Variants in GLI2 observed in about 807,000 individuals in gnomAD.
GLI2 encodes GLI family zinc finger 2.
A neutral mutation model predicts 78.9 loss-of-function variants in GLI2; 22 were observed. The observed-to-expected ratio is 0.28, with a 90% CI of 0.20 to 0.40. The LOEUF (loss-of-function observed/expected upper bound fraction) is 0.40. Among genes scored for constraint, GLI2 ranks in the 10% least tolerant of loss-of-function variants. The pLI is 1.00. For synonymous variants in GLI2, 974 were observed against 963.7 expected (o/e 1.01, Z -0.20); for missense variants, 2,097 against 2,213.2 (o/e 0.95, Z 1.05).
At chr2:120,757,343 G>C (rs545277801) in intron 1 of GLI2, among the ~76,000 whole-genome samples, 1 of 152,036 alleles carries the variant, frequency 6.6e-6, no homozygotes, top group Non-Finnish European at 1.5e-5. Flanking sequence ...CTTTCTTCTA[G>C]GATATGATTC....
intron 2 of GLI2, among the ~76,000 whole-genome samples, chr2:120,834,745 C>T (rs1297664990): frequency 6.6e-6 from 1 of 152,148 alleles, no homozygotes; most frequent in Non-Finnish European, 1.5e-5. Context: ...TTTCAGATGC[C>T]TGTGTCCCCC....
intron 2 of GLI2, among the ~76,000 whole-genome samples, chr2:120,845,104 C>A (rs1687051381): frequency 6.6e-6 from 1 of 152,066 alleles, no homozygotes. Context: ...AAAACCTCGT[C>A]TCTACTAAAA....
At chr2:120,949,179 G>A (rs950815833) in intron 3 of GLI2, among the ~76,000 whole-genome samples, 12 of 152,264 alleles carry the variant, frequency 7.9e-5, no homozygotes, top group African/African-American at 2.4e-4. Context: ...CTCCTCTCCC[G>A]GGCACACATA....
intron 2 of GLI2, among the ~76,000 whole-genome samples, chr2:120,825,754 C>G (rs761521581): frequency 6.6e-6 from 1 of 152,236 alleles, no homozygotes; most frequent in Non-Finnish European, 1.5e-5. Flanking sequence ...TGTCCCCCTC[C>G]TGGTGCTTCC....
intron 2 of GLI2, among the ~76,000 whole-genome samples, chr2:120,809,600 G>T (rs901361084): frequency 6.6e-6 from 1 of 152,144 alleles, no homozygotes; most frequent in Non-Finnish European, 1.5e-5. Context: ...AAGTGCGGGG[G>T]AGGGAGGGCG....
At chr2:120,810,286 C>T (rs192688263) in intron 2 of GLI2, among the ~76,000 whole-genome samples, 1 of 152,308 alleles carries the variant, frequency 6.6e-6, no homozygotes, top group African/African-American at 2.4e-5. Flanking sequence ...GTTCCCAGTC[C>T]AGGTGTGCTG....
At chr2:120,882,861 A>G (rs1677220606) in intron 2 of GLI2, among the ~76,000 whole-genome samples, 1 of 151,584 alleles carries the variant, frequency 6.6e-6, no homozygotes, top group African/African-American at 2.4e-5. Context: ...AGTAAAATAC[A>G]CCCTTTTGAG....
chr2:120,910,463 G>T (rs1283067978), intron 2 of GLI2, among the ~76,000 whole-genome samples: 2 of 152,170 alleles, frequency 1.3e-5, no homozygotes, highest in Admixed American at 6.5e-5. Flanking sequence ...ACTTAATCTT[G>T]ACAAACTCCT....
At chr2:120,857,076 G>A (rs1352061527) in intron 2 of GLI2, among the ~76,000 whole-genome samples, 1 of 152,154 alleles carries the variant, frequency 6.6e-6, no homozygotes. Flanking sequence ...AAAGACCAGG[G>A]GAAGGCTTAG....
chr2:120,896,662 T>C (rs868284022), intron 2 of GLI2, among the ~76,000 whole-genome samples: 4,652 of 22,048 alleles, frequency 0.21, 238 homozygotes, highest in African/African-American at 0.43. Context: ...CACACACACA[T>C]ACACCCACCC....
In GLI2 at chr2:120,750,479, C is replaced by G. The variant is rs9308618; in HGVS notation, c.-31+14194C>G. Among the ~76,000 whole-genome samples the G allele has an allele frequency of 1.7e-3, 261 of 152,334 alleles. 1 individual carries two copies. The highest frequency in any genetic ancestry group is 5.8e-3 in the African/African-American group (241 of 41,578). On this transcript the variant is annotated intron_variant, in intron 1 of 13. Coordinates refer to ENST00000361492, the MANE Select transcript of GLI2 (RefSeq NM_001374353.1). ...CAGCTCTGGCCTGCCATTTTCTCAT[C>G]TGTAAAATGAGGATAACTCTAAGAC...
chr2:120,877,022 A>G (rs902738479), intron 2 of GLI2, among the ~76,000 whole-genome samples: 1 of 152,186 alleles, frequency 6.6e-6, no homozygotes, highest in African/African-American at 2.4e-5. Context: ...TTGGAAGACA[A>G]GAGGCCTGAG....
chr2:120,875,009 C>T (rs917588649), intron 2 of GLI2, among the ~76,000 whole-genome samples: 1 of 152,198 alleles, frequency 6.6e-6, no homozygotes, highest in African/African-American at 2.4e-5. Flanking sequence ...GCTCCTGGAG[C>T]CTGTTTCCTA....
In GLI2 at chr2:120,975,009, G is replaced by A. The variant is rs576376100; in HGVS notation, c.1217G>A (p.Arg406Lys). Reference sequence around the variant, plus strand: ...GCTGACCTCAAGGAAGATCTGGACAGGGATGACTGTAAGCAGGAGGCTGAG... The same window carrying A: ...GCTGACCTCAAGGAAGATCTGGACAAGGATGACTGTAAGCAGGAGGCTGAG... The part of the protein sequence containing the change: ...QLADLKEDLD[R>K]DDCKQEAEVV... Residue 406 changes from arginine to lysine, a missense_variant, in exon 9 of 14, where the codon AGG becomes AAG. Physicochemically the swap from Arg to Lys is conservative, Grantham distance 26. Coordinates refer to ENST00000361492, the MANE Select transcript of GLI2 (RefSeq NM_001374353.1). 8.1e-6 allele frequency: 13 copies of A among 1,614,058 alleles called. No individual in the cohort carries two copies. The highest frequency in any genetic ancestry group is 1.1e-5 in the Non-Finnish European group (13 of 1,180,016).
At chr2:120,954,825 A>G (rs962784228) in intron 4 of GLI2, among the ~76,000 whole-genome samples, 2 of 152,166 alleles carry the variant, frequency 1.3e-5, no homozygotes, top group Non-Finnish European at 2.9e-5. Context: ...CTCACCCTGA[A>G]TGTTCAGGCA....
At chr2:120,787,884 G>A (rs1684041996) in intron 1 of GLI2, among the ~76,000 whole-genome samples, 1 of 152,196 alleles carries the variant, frequency 6.6e-6, no homozygotes, top group Admixed American at 6.5e-5. Context: ...ATTACAAACA[G>A]ATGCCAACCC....
chr2:120,810,170 CT>C lies in GLI2; in HGVS notation c.148+12704del, dbSNP rs1218959580. On this transcript the variant is annotated intron_variant, in intron 2 of 13. Transcript: ENST00000361492. ...GGGCCAGGCTTCTGAGCCAGAGTGG[CT>C]TCAGGGGCCATTTGGTCCATTGAGG... Among the ~76,000 whole-genome samples, 5 of 152,356 alleles carry C rather than the reference CT, an allele frequency of 3.3e-5. No homozygotes were observed. The East Asian group carries it at 9.7e-4, about 29-fold the overall frequency.
At chr2:120,837,122 C>T (rs568938299) in intron 2 of GLI2, among the ~76,000 whole-genome samples, 28 of 152,226 alleles carry the variant, frequency 1.8e-4, no homozygotes, top group East Asian at 7.7e-4. Context: ...AGGCCGGGCG[C>T]GGTGGCTCAC....
intron 5 of GLI2, among the ~76,000 whole-genome samples, chr2:120,964,177 G>A: frequency 6.6e-6 from 1 of 152,216 alleles, no homozygotes; most frequent in East Asian, 1.9e-4. Flanking sequence ...CCCAACTCCA[G>A]GAGGTCAGGG....
Sources: gnomAD v4.1 joint callset for allele counts (sites outside exome capture counted in the v4.1 genomes callset) on GRCh38, gnomAD v4.1.1 for gene constraint, MANE v1.5 for transcripts, NCBI Gene and HGNC (gene_info 2026-07-23, HGNC 2026-07-21) for gene names.